LHFPL3: variants seen among roughly 807,000 people sequenced by gnomAD.
LHFPL3 encodes LHFPL tetraspan subfamily member 3 protein.
LHFPL3 carries 5 observed loss-of-function variants against 19.3 expected under a neutral mutation model. The observed-to-expected ratio is 0.26, with a 90% CI of 0.14 to 0.54. The LOEUF is 0.54. Among genes scored for constraint, LHFPL3 ranks in the 20% least tolerant of loss-of-function variants. The pLI, the probability that LHFPL3 is intolerant of heterozygous loss-of-function variation, is 0.94. For missense variants in LHFPL3, 249 were observed against 307.4 expected (o/e 0.81, Z 1.42); for synonymous variants, 133 against 126.2 (o/e 1.05, Z -0.36).
intron 1 of LHFPL3, among the ~76,000 whole-genome samples, chr7:104,575,715 G>A (rs931227082): frequency 1.3e-5 from 2 of 151,714 alleles, no homozygotes; most frequent in Non-Finnish European, 1.5e-5. Context: ...GCTCCATCAC[G>A]GCTCACTGCA....
chr7:104,516,305 G>T (rs1793920007), intron 1 of LHFPL3, among the ~76,000 whole-genome samples: 1 of 152,082 alleles, frequency 6.6e-6, no homozygotes, highest in African/African-American at 2.4e-5. Context: ...CCACCCTTAT[G>T]ATTCAGTTAT....
intron 1 of LHFPL3, among the ~76,000 whole-genome samples, chr7:104,374,240 G>GTA (rs1554383130): frequency 6.8e-6 from 1 of 147,510 alleles, no homozygotes; most frequent in South Asian, 2.1e-4. Context: ...GTGTGTGTGT[G>GTA]TATACATATA....
At chr7:104,905,254 C>A (rs1792574910) in intron 2 of LHFPL3, among the ~76,000 whole-genome samples, 1 of 151,830 alleles carries the variant, frequency 6.6e-6, no homozygotes, top group Non-Finnish European at 1.5e-5. Flanking sequence ...TAACACCCAG[C>A]CAAGAAATAT....
intron 1 of LHFPL3, among the ~76,000 whole-genome samples, chr7:104,523,867 A>C (rs1294855799): frequency 6.6e-6 from 1 of 152,178 alleles, no homozygotes; most frequent in East Asian, 1.9e-4. Flanking sequence ...GGAAGGTTTA[A>C]AATACTCAGA....
chr7:104,385,658 A>C (rs1790925683), intron 1 of LHFPL3, among the ~76,000 whole-genome samples: 1 of 118,250 alleles, frequency 8.5e-6, no homozygotes, highest in African/African-American at 3.0e-5. Flanking sequence ...TCACTTACTC[A>C]TGGCAATTTA....
At chr7:104,497,848 T>C (rs751921385) in intron 1 of LHFPL3, among the ~76,000 whole-genome samples, 1 of 152,170 alleles carries the variant, frequency 6.6e-6, no homozygotes, top group Non-Finnish European at 1.5e-5. Context: ...GCTTGGCTTC[T>C]TGTAATCACA....
At chr7:104,682,404 C>T (rs1182359949) in intron 1 of LHFPL3, among the ~76,000 whole-genome samples, 4 of 152,198 alleles carry the variant, frequency 2.6e-5, no homozygotes, top group African/African-American at 9.7e-5. Context: ...TTAAGATCCC[C>T]AGGTGACTCA....
At chr7:104,480,360 G>A (rs1449653453) in intron 1 of LHFPL3, among the ~76,000 whole-genome samples, 3 of 152,084 alleles carry the variant, frequency 2.0e-5, no homozygotes, top group Non-Finnish European at 4.4e-5. Flanking sequence ...ATTTCCAGAA[G>A]ACAGAAAGTG....
chr7:104,399,243 G>T lies in LHFPL3; in HGVS notation c.445+70019G>T, dbSNP rs1208461485. Among the ~76,000 whole-genome samples, 2 of 152,062 alleles carry T rather than the reference G, an allele frequency of 1.3e-5. No homozygotes were observed. Among genetic ancestry groups the T allele is most frequent in the South Asian group, 4.1e-4 (2 of 4,828 alleles). ...AGGTTTCCAGCTGGACAAGGCCCTG[G>T]TGCAGATTTAGGGTGCTAGAATAAG... On this transcript the variant is annotated intron_variant, in intron 1 of 2. Coordinates refer to ENST00000424859, the MANE Select transcript of LHFPL3 (RefSeq NM_199000.3). This position sits in a 1 kb window ranked among gnomAD's most constrained non-coding sequence, Gnocchi z 4.4.
At chr7:104,674,896 A>T (rs1473216260) in intron 1 of LHFPL3, among the ~76,000 whole-genome samples, 1 of 152,244 alleles carries the variant, frequency 6.6e-6, no homozygotes, top group Non-Finnish European at 1.5e-5. Flanking sequence ...AGAGCAAAAG[A>T]TATAGAAGAT....
intron 1 of LHFPL3, among the ~76,000 whole-genome samples, chr7:104,529,278 C>T (rs987866427): frequency 6.6e-6 from 1 of 152,266 alleles, no homozygotes; most frequent in Non-Finnish European, 1.5e-5. Context: ...CAACAGACAC[C>T]TCAAACACCA....
intron 2 of LHFPL3, among the ~76,000 whole-genome samples, chr7:104,737,407 C>A (rs537006661): frequency 7.2e-5 from 11 of 151,892 alleles, no homozygotes; most frequent in Non-Finnish European, 1.5e-4. Flanking sequence ...TAACACTGGC[C>A]CCAAATAGTT....
chr7:104,773,978 C>G (rs1584526939), intron 2 of LHFPL3, among the ~76,000 whole-genome samples: 2 of 152,318 alleles, frequency 1.3e-5, no homozygotes, highest in African/African-American at 4.8e-5. Context: ...GAGACGAACA[C>G]AAAGGGTAGG....
intron 1 of LHFPL3, among the ~76,000 whole-genome samples, chr7:104,508,509 A>C (rs891674443): frequency 1.3e-5 from 2 of 150,512 alleles, no homozygotes; most frequent in African/African-American, 4.9e-5. Context: ...ACCTAATGCT[A>C]GATGACGAGT....
rs201212452 is a variant in LHFPL3, at chr7:104,475,761, A to G, written c.445+146537A>G. 1.1e-4 allele frequency among the ~76,000 whole-genome samples: 17 copies of G among 152,364 alleles called. No homozygotes were observed. The East Asian group carries it at 2.1e-3, about 19-fold the overall frequency. ...TGTTTAGAGTGGAATTTCCAAATGC[A>G]GTAGTAACAAATTTGGACACAGTTT... On this transcript the variant is annotated intron_variant, in intron 1 of 2. Transcript: ENST00000424859.
intron 1 of LHFPL3, among the ~76,000 whole-genome samples, chr7:104,365,406 T>G (rs1790465765): frequency 6.6e-6 from 1 of 151,434 alleles, no homozygotes; most frequent in African/African-American, 2.4e-5. Flanking sequence ...TAAGACAGAC[T>G]GGAATGATGA....
intron 1 of LHFPL3, among the ~76,000 whole-genome samples, chr7:104,671,242 T>G (rs1357461406): frequency 6.6e-6 from 1 of 151,606 alleles, no homozygotes; most frequent in African/African-American, 2.4e-5. Flanking sequence ...TTGAAAGGTG[T>G]TTTTTTTCTT....
chr7:104,774,168 G>A (rs34838562), intron 2 of LHFPL3, among the ~76,000 whole-genome samples: 22,882 of 152,214 alleles, frequency 0.15, 2,103 homozygotes, highest in East Asian at 0.45. Flanking sequence ...AGAGAGAAAG[G>A]TGGCAGAAGG....
chr7:104,776,768 C>T (rs1260811835), intron 2 of LHFPL3, among the ~76,000 whole-genome samples: 2 of 152,300 alleles, frequency 1.3e-5, no homozygotes, highest in South Asian at 4.1e-4. Context: ...TTTTACAACA[C>T]GCAGGATGTG....
Sources: gnomAD v4.1 joint callset for allele counts (sites outside exome capture counted in the v4.1 genomes callset) on GRCh38, gnomAD v4.1.1 for gene constraint, Gnocchi (gnomAD v3.1) non-coding constraint, MANE v1.5 for transcripts, NCBI Gene and HGNC (gene_info 2026-07-23, HGNC 2026-07-21) for gene names.